BTAF1: variants seen among roughly 807,000 people sequenced by gnomAD.
BTAF1 encodes the protein TATA-binding protein-associated factor 172.
A neutral mutation model predicts 227.1 loss-of-function variants in BTAF1; 38 were observed. The observed-to-expected ratio is 0.17, with a 90% confidence interval of 0.13 to 0.22. The LOEUF (loss-of-function observed/expected upper bound fraction) is 0.22. BTAF1 is among the 10% of genes least tolerant of loss of function. BTAF1 has a pLI of 1.00. For missense variants in BTAF1, 1,598 were observed against 2,204.0 expected, an observed-to-expected ratio of 0.73 and a Z score of 5.51; for synonymous variants, 742 against 751.9, an observed-to-expected ratio of 0.99 and a Z score of 0.21.
At chr10:91,975,429 G>A (rs1392443073) in intron 14 of BTAF1, among the ~76,000 whole-genome samples, 1 of 152,232 alleles carries the variant, frequency 6.6e-6, no homozygotes, top group Admixed American at 6.5e-5. Flanking sequence ...ATGAAAAGGA[G>A]AGAGCAAAGT....
Position 91,938,802 on chromosome 10 carries a change from T to TG in BTAF1, c.139-1149dup, listed in dbSNP as rs553094524. Among the ~76,000 whole-genome samples the TG allele has an allele frequency of 5.1e-4, 77 of 152,266 alleles. 1 individual carries two copies. The highest frequency in any genetic ancestry group is 1.8e-3 in the African/African-American group (75 of 41,552). On this transcript the variant is annotated intron_variant, in intron 2 of 37. Coordinates refer to ENST00000265990, the MANE Select transcript of BTAF1 (RefSeq NM_003972.3). ...GTTTGAGGCTGCAGTGTGCTATGAT[T>TG]GCACCTGTGACTAAGACACTGCATT...
At chr10:91,948,946 G>T (rs984658718) in intron 4 of BTAF1, among the ~76,000 whole-genome samples, 1 of 152,044 alleles carries the variant, frequency 6.6e-6, no homozygotes, top group African/African-American at 2.4e-5. Flanking sequence ...CTCTACCAAG[G>T]TATCCTATCT....
intron 5 of BTAF1, 36 bp from the exon 6 acceptor site, chr10:91,953,701 C>G (rs777640179): frequency 1.3e-6 from 2 of 1,598,230 alleles, no homozygotes; most frequent in East Asian, 4.5e-5. Context: ...ATTTTAATTT[C>G]AAAAGTTCCA....
chr10:92,008,640 T>C (rs764226793), intron 26 of BTAF1, among the ~76,000 whole-genome samples, 189 bp from the exon 27 acceptor site: 8 of 151,846 alleles, frequency 5.3e-5, no homozygotes, highest in Non-Finnish European at 1.0e-4. Context: ...TGAGCCACCA[T>C]ACCTGGCCTT....
At position 92,024,896 on chromosome 10, in the gene BTAF1, C is replaced by G; in HGVS notation, c.5004C>G (p.His1668Gln). Reference sequence around the variant, plus strand: ...TAGAGCATGATCTCCTCAAACCTCACTTGCCCTCTGTCACTTATTTGAGAT... The same window carrying G: ...TAGAGCATGATCTCCTCAAACCTCAGTTGCCCTCTGTCACTTATTTGAGAT... Reference protein sequence around the residue: ...DIVEHDLLKPHLPSVTYLRLD... With the variant: ...DIVEHDLLKPQLPSVTYLRLD... The change falls in exon 35 of 38, where the codon CAC (histidine) becomes CAG (glutamine). Residue 1668 changes from histidine to glutamine, a missense_variant. Transcript: ENST00000265990. 6.2e-7 allele frequency: 1 copy of G among 1,614,108 alleles called. No homozygotes were observed. Among genetic ancestry groups the G allele is most frequent in the Non-Finnish European group, 8.5e-7 (1 of 1,180,014 alleles).
Position 91,999,650 on chromosome 10 carries a change from C to G in BTAF1, c.3660+1899C>G, listed in dbSNP as rs546256984. 1.8e-4 allele frequency among the ~76,000 whole-genome samples: 27 copies of G among 152,284 alleles called. No individual in the cohort carries two copies. The East Asian group carries it at 5.0e-3, about 28-fold the overall frequency. On this transcript the variant is annotated intron_variant, in intron 25 of 37. Coordinates refer to ENST00000265990, the MANE Select transcript of BTAF1 (RefSeq NM_003972.3). ...TCAGGTGATCCTCCCGCCTTGGCCTCCCAAAGTGCTGGGATTACAGACGTG... is the reference window on the plus strand; with the variant it reads ...TCAGGTGATCCTCCCGCCTTGGCCTGCCAAAGTGCTGGGATTACAGACGTG...
rs777160051 is a variant in BTAF1 at position 92,031,095 on chromosome 10, A to G, written c.*2162A>G. Among the ~76,000 whole-genome samples the G allele has an allele frequency of 2.7e-4, 41 of 152,338 alleles. No homozygotes were observed. Among genetic ancestry groups the G allele is most frequent in the Non-Finnish European group, 4.3e-4 (29 of 68,012 alleles). ...CTATTTTAAACTGGGAATTGGGTTCATAGATATCCATTGTACTACTTCCCT... is the reference window on the plus strand; with the variant it reads ...CTATTTTAAACTGGGAATTGGGTTCGTAGATATCCATTGTACTACTTCCCT... On this transcript the variant is annotated 3_prime_UTR_variant, in exon 38 of 38. Transcript: ENST00000265990.
intron 34 of BTAF1, among the ~76,000 whole-genome samples, chr10:92,024,181 G>A (rs1851329781): frequency 1.3e-5 from 2 of 152,266 alleles, no homozygotes; most frequent in African/African-American, 2.4e-5. Context: ...GTAATAAGCT[G>A]TCTTGTCAAG....
intron 4 of BTAF1, among the ~76,000 whole-genome samples, chr10:91,946,888 G>A (rs1845406799): frequency 6.7e-6 from 1 of 149,390 alleles, no homozygotes; most frequent in Non-Finnish European, 1.5e-5. Context: ...TACCCAGGCT[G>A]TAGTGCAGTG....
rs1844563963 is a variant in BTAF1 at position 91,935,722 on chromosome 10, A to G, written c.80A>G (p.Gln27Arg). The change falls in exon 2 of 38, where the codon CAG (glutamine) becomes CGG (arginine). Residue 27 changes from glutamine to arginine, a missense_variant. By Grantham distance (43) the Gln-to-Arg change is conservative (BLOSUM62 1). This residue lies in a region of BTAF1 where 298 missense variants were observed against 395.2 expected (regional missense o/e 0.75). Coordinates refer to ENST00000265990, the MANE Select transcript of BTAF1 (RefSeq NM_003972.3). ...CCTGTTACAAGAAAAGCTGCTGCAC[A>G]GCAACTTGGAGAAGTGGTGAAGCTT... ...TTPVTRKAAA[Q>R]QLGEVVKLHP... 1 of 1,613,670 alleles carries G rather than the reference A, an allele frequency of 6.2e-7. No individual in the cohort carries two copies. Among genetic ancestry groups the G allele is most frequent in the Admixed American group, 1.7e-5 (1 of 60,000 alleles).
intron 20 of BTAF1, among the ~76,000 whole-genome samples, chr10:91,991,265 A>AATATATATATATATATATATATATAT (rs375232605): frequency 5.6e-5 from 5 of 90,074 alleles, no homozygotes; most frequent in African/African-American, 1.6e-4. Flanking sequence ...TATAAATATA[A>AATATATATATATATATATATATATAT]ATATAAATAT....
At chr10:92,017,170 T>C (rs1189513289) in intron 33 of BTAF1, among the ~76,000 whole-genome samples, 1 of 152,202 alleles carries the variant, frequency 6.6e-6, no homozygotes, top group Non-Finnish European at 1.5e-5. Flanking sequence ...ATAATGTGGT[T>C]ATAGTGTATC....
intron 3 of BTAF1, among the ~76,000 whole-genome samples, chr10:91,940,777 T>C (rs968559738): frequency 3.3e-5 from 5 of 152,280 alleles, no homozygotes; most frequent in Admixed American, 2.0e-4. Context: ...TTCCGCCTCC[T>C]GGGTTCAAGC....
intron 24 of BTAF1, chr10:91,997,126 ACT>A (rs10591030): frequency 0.16 from 202,150 of 1,286,742 alleles, 16,680 homozygotes; most frequent in Middle Eastern, 0.19. Flanking sequence ...ATCAGTAGAA[ACT>A]CTGGTTCAAA....
intron 25 of BTAF1, among the ~76,000 whole-genome samples, chr10:92,006,972 G>A (rs985536611): frequency 9.2e-5 from 14 of 151,458 alleles, no homozygotes; most frequent in Middle Eastern, 3.4e-3. Context: ...GTACATCCAG[G>A]ATGGATATAT....
intron 36 of BTAF1, among the ~76,000 whole-genome samples, 171 bp downstream of exon 36, chr10:92,026,922 G>A (rs1476921269): frequency 2.0e-5 from 3 of 152,088 alleles, no homozygotes; most frequent in Admixed American, 2.0e-4. Flanking sequence ...CATTAAATGA[G>A]GTGCTAGCAC....
intron 1 of BTAF1, among the ~76,000 whole-genome samples, chr10:91,933,287 G>T (rs1171337541): frequency 6.6e-6 from 1 of 152,192 alleles, no homozygotes; most frequent in Admixed American, 6.5e-5. Flanking sequence ...TTATTCGGGG[G>T]CGTTTTAGGA....
At chr10:91,977,527 G>A (rs1393387304) in intron 14 of BTAF1, among the ~76,000 whole-genome samples, 1 of 152,150 alleles carries the variant, frequency 6.6e-6, no homozygotes, top group Middle Eastern at 3.2e-3. Context: ...TGGCAGTTAT[G>A]AATAAAGCTG....
At chr10:91,956,415 AATG>A in intron 6 of BTAF1, 110 bp from the exon 7 acceptor site, 1 of 1,263,942 alleles carries the variant, frequency 7.9e-7, no homozygotes, top group Middle Eastern at 2.7e-4. Flanking sequence ...CATTTGTTTA[AATG>A]ATGGATTATC....
Sources: allele counts gnomAD v4.1 joint callset (sites outside exome capture counted in the v4.1 genomes callset), GRCh38; gene constraint gnomAD v4.1.1; regional missense constraint gnomAD v4.1.1; transcripts MANE v1.5; gene names NCBI Gene and HGNC (gene_info 2026-07-23, HGNC 2026-07-21).